Variants in EPN2 observed in about 807,000 individuals in gnomAD.
The protein encoded by EPN2 is epsin 2, also known as epsin-2.
In EPN2, 34 loss-of-function variants were observed where a neutral mutation model predicts 61.7. The observed-to-expected ratio is 0.55, with a 90% CI of 0.42 to 0.73. The LOEUF (loss-of-function observed/expected upper bound fraction) is 0.73, where lower values mean the gene tolerates loss of function less well. EPN2 is among the 30% of genes least tolerant of loss of function. The probability of loss-of-function intolerance (pLI) is 0.00; values close to 1 mark genes in which losing one functional copy is unlikely to be tolerated. For synonymous variants in EPN2, 349 were observed against 353.6 expected (o/e 0.99, Z 0.15); for missense variants, 714 against 839.2 (o/e 0.85, Z 1.84).
At chr17:19,245,717 C>T (rs2044940090) in intron 1 of EPN2, among the ~76,000 whole-genome samples, 1 of 150,388 alleles carries the variant, frequency 6.6e-6, no homozygotes, top group Non-Finnish European at 1.5e-5. Context: ...AGCTGGAGTG[C>T]AATGGCGCGA....
intron 1 of EPN2, among the ~76,000 whole-genome samples, chr17:19,246,322 A>G (rs935853365): frequency 6.6e-6 from 1 of 152,148 alleles, no homozygotes; most frequent in African/African-American, 2.4e-5. Context: ...ATGCCACTGC[A>G]CTCCAGCCTG....
intron 7 of EPN2, among the ~76,000 whole-genome samples, chr17:19,320,606 ATTT>A (rs1170142122): frequency 6.6e-6 from 1 of 152,146 alleles, no homozygotes; most frequent in Non-Finnish European, 1.5e-5. Context: ...CAGCATCAGT[ATTT>A]TACTAAAATC....
chr17:19,309,824 G>C, intron 4 of EPN2, 61 bp from the exon 5 acceptor site: 1 of 1,354,992 alleles, frequency 7.4e-7, no homozygotes, highest in Non-Finnish European at 1.0e-6. Flanking sequence ...CCAGGAAACT[G>C]CTGTGCAGGA....
chr17:19,241,706 A>G (rs1037309172), intron 1 of EPN2, among the ~76,000 whole-genome samples: 44 of 152,332 alleles, frequency 2.9e-4, no homozygotes, highest in Admixed American at 2.8e-3. Flanking sequence ...AATACAGTGA[A>G]ATAAGTATAT....
At chr17:19,330,492 C>T (rs1330354014) in intron 9 of EPN2, 1 of 152,328 alleles carries the variant, frequency 6.6e-6, no homozygotes, top group Non-Finnish European at 1.5e-5. Context: ...CCCTTGACCT[C>T]CTCTAACCCC....
chr17:19,241,419 C>T (rs565402129), intron 1 of EPN2, among the ~76,000 whole-genome samples: 1 of 152,098 alleles, frequency 6.6e-6, no homozygotes, highest in African/African-American at 2.4e-5. Flanking sequence ...AACCCCATCT[C>T]TACTAAAAAT....
At chr17:19,281,567 G>A (rs1267618743) in intron 1 of EPN2, among the ~76,000 whole-genome samples, 1 of 152,148 alleles carries the variant, frequency 6.6e-6, no homozygotes, top group East Asian at 1.9e-4. Flanking sequence ...GGAGCTACCT[G>A]TTGTTTCTGT....
At chr17:19,253,421 T>C (rs1257460303) in intron 1 of EPN2, among the ~76,000 whole-genome samples, 1 of 149,140 alleles carries the variant, frequency 6.7e-6, no homozygotes, top group East Asian at 2.0e-4. Context: ...TTTTTTTTTT[T>C]TTTTTTTTTT....
chr17:19,290,720 A>AAAAAAAAAAAAAAAAAAG lies in EPN2; in HGVS notation c.766+4935_766+4936insAAAAAAAAAAAAGAAAAA, dbSNP rs1555600084. ...GTTCTCAAAAAAAAAAAAAAAGAAAAAAAAAGAAAAAGGAAGGCAGGCAGA... is the reference window on the plus strand; with the variant it reads ...GTTCTCAAAAAAAAAAAAAAAGAAAAAAAAAAAAAAAAAAAAAGAAAAAGAAAAAGGAAGGCAGGCAGA... On this transcript the variant is annotated intron_variant, in intron 4 of 10. Transcript: ENST00000314728. Among the ~76,000 whole-genome samples, 319 of 105,414 alleles carry AAAAAAAAAAAAAAAAAAG rather than the reference A, an allele frequency of 3.0e-3. 2 individuals are homozygous for AAAAAAAAAAAAAAAAAAG. The highest frequency in any genetic ancestry group is 3.9e-3 in the Non-Finnish European group (201 of 51,452). 69.2% of individuals were successfully genotyped at this position (105,414 alleles called of 152,430 possible).
At chr17:19,316,353 T>G (rs1906382854) in intron 7 of EPN2, among the ~76,000 whole-genome samples, 2 of 152,274 alleles carry the variant, frequency 1.3e-5, no homozygotes, top group Non-Finnish European at 2.9e-5. Context: ...TTGCCCAGCC[T>G]AGGACCTTCT....
chr17:19,245,872 C>T (rs890482677), intron 1 of EPN2, among the ~76,000 whole-genome samples: 2 of 151,830 alleles, frequency 1.3e-5, no homozygotes, highest in African/African-American at 4.8e-5. Flanking sequence ...ACCATGTTGG[C>T]CAGGCTGGTC....
At position 19,332,005 on chromosome 17, in the gene EPN2, C is replaced by T. The variant is rs761716886; in HGVS notation, c.1564C>T (p.Leu522=). The change falls in exon 10 of 11, where the codon CTG becomes TTG. Residue 522 remains leucine, a synonymous_variant. Coordinates refer to ENST00000314728, the MANE Select transcript of EPN2 (RefSeq NM_014964.5). The part of the protein sequence containing the change: ...FLGPNAALVN[L]DSLVTRPAPP... Reference sequence around the variant, plus strand: ...GGGCCCCAACGCGGCCCTGGTGAACCTGGACTCACTGGTGACCAGGCCTGC... The same window carrying T: ...GGGCCCCAACGCGGCCCTGGTGAACTTGGACTCACTGGTGACCAGGCCTGC... 1.2e-6 allele frequency: 2 copies of T among 1,613,936 alleles called. No individual in the cohort carries two copies. The highest frequency in any genetic ancestry group is 1.1e-5 in the South Asian group (1 of 91,082).
At chr17:19,317,439 G>A (rs1906437771) in intron 7 of EPN2, among the ~76,000 whole-genome samples, 2 of 152,212 alleles carry the variant, frequency 1.3e-5, no homozygotes, top group Non-Finnish European at 2.9e-5. Flanking sequence ...TTCCGCCCTG[G>A]CAGCAGCAGG....
intron 7 of EPN2, among the ~76,000 whole-genome samples, chr17:19,318,549 C>CAAAAAAAAAAAAAAAAAAAA (rs58660254): frequency 0.014 from 337 of 24,764 alleles, 106 homozygotes; most frequent in Non-Finnish European, 0.023. Context: ...GACTCCATCT[C>CAAAAAAAAAAAAAAAAAAAA]AAAAAAAAAA....
intron 1 of EPN2, among the ~76,000 whole-genome samples, chr17:19,246,281 TGG>T (rs2044947455): frequency 6.6e-6 from 1 of 152,140 alleles, no homozygotes; most frequent in Admixed American, 6.5e-5. Flanking sequence ...TCGCTTGAAC[TGG>T]GAGACAGAGG....
chr17:19,285,654 A>G lies in EPN2; in HGVS notation c.630A>G (p.Thr210=). ...CCTCGCTGTGCCCCCAGCACCGCAC[A>G]GGGGCCCCGCTGGGTCAGAGTGAGG... ...PEASLCPQHR[T]GAPLGQSEEL... Residue 210 remains threonine (T), a synonymous_variant, in exon 4 of 11, where the codon ACA becomes ACG. Transcript: ENST00000314728. The surrounding 1 kb of genome is among the most constrained non-coding windows in gnomAD (Gnocchi z 4.5). 2.6e-6 allele frequency: 4 copies of G among 1,567,196 alleles called. No homozygotes were observed. Among genetic ancestry groups the G allele is most frequent in the Non-Finnish European group, 3.5e-6 (4 of 1,156,888 alleles).
intron 1 of EPN2, chr17:19,271,555 G>C (rs959234558): frequency 6.6e-6 from 1 of 152,196 alleles, no homozygotes; most frequent in Admixed American, 6.5e-5. Flanking sequence ...TAAGATCCTG[G>C]CTCACTGCCC....
intron 7 of EPN2, among the ~76,000 whole-genome samples, chr17:19,323,268 C>A (rs1256612582): frequency 6.6e-6 from 1 of 152,074 alleles, no homozygotes; most frequent in East Asian, 1.9e-4. Context: ...ATAAGAGGGC[C>A]GGAGAGGCCC....
chr17:19,254,750 TC>T (rs970772003), intron 1 of EPN2, among the ~76,000 whole-genome samples: 43 of 152,038 alleles, frequency 2.8e-4, no homozygotes, highest in African/African-American at 1.0e-3. Flanking sequence ...AGGTGGGTGA[TC>T]AACAGCCTCT....
Sources: gnomAD v4.1 joint callset for allele counts (sites outside exome capture counted in the v4.1 genomes callset) on GRCh38, gnomAD v4.1.1 for gene constraint, Gnocchi (gnomAD v3.1) non-coding constraint, MANE v1.5 for transcripts, NCBI Gene and HGNC (gene_info 2026-07-23, HGNC 2026-07-21) for gene names.